LONRF3: variants seen among roughly 807,000 people sequenced by gnomAD.
LONRF3 encodes the protein LON peptidase N-terminal domain and RING finger protein 3.
LONRF3 carries 19 observed loss-of-function variants against 51.7 expected under a neutral mutation model. The observed-to-expected ratio is 0.37, with a 90% CI of 0.26 to 0.54. LONRF3 has a LOEUF of 0.54. Ranked by LOEUF, LONRF3 falls within the 20% of genes least tolerant of loss-of-function variation. LONRF3 has a pLI of 0.86. For synonymous variants in LONRF3, 265 were observed against 257.8 expected, an observed-to-expected ratio of 1.03 and a Z score of -0.27; for missense variants, 521 against 623.9, an observed-to-expected ratio of 0.84 and a Z score of 1.76.
Position 118,989,636 on chromosome X carries a change from G to A in LONRF3, c.1288G>A (p.Glu430Lys), listed in dbSNP as rs759695095. The part of the protein sequence containing the change: ...KRKHCQIESQ[E>K]ETGMPNKASK... Reference sequence around the variant, plus strand: ...GAAACATTGCCAGATTGAATCCCAAGAAGAAACGGGGATGCCTAATAAAGC... The same window carrying A: ...GAAACATTGCCAGATTGAATCCCAAAAAGAAACGGGGATGCCTAATAAAGC... The change falls in exon 4 of 11, where the codon GAA (glutamate) becomes AAA (lysine). Residue 430 changes from glutamate to lysine, a missense_variant. By Grantham distance (56) the Glu-to-Lys change is moderately conservative. Coordinates refer to ENST00000371628, the MANE Select transcript of LONRF3 (RefSeq NM_001031855.3). 1 of 1,210,800 alleles carries A rather than the reference G, an allele frequency of 8.3e-7. No individual in the cohort carries two copies. The highest frequency in any genetic ancestry group is 1.1e-6 in the Non-Finnish European group (1 of 895,083).
At chrX:119,012,995 A>G (rs1336629592) in intron 8 of LONRF3, 44 bp from the exon 9 acceptor site, 1 of 1,203,394 alleles carries the variant, frequency 8.3e-7, no homozygotes, top group Admixed American at 2.2e-5. Context: ...GGGAAACAGA[A>G]CTCATCAAGG....
At position 119,012,845 on chromosome X, in the gene LONRF3, C is replaced by T. The variant is rs1245439266; in HGVS notation, c.1812-194C>T. ...TGTGCTCAATAAATGGTAGCAGTTA[C>T]ACGAATACATTACGAATTTTTTTTC... is the stretch of plus-strand genomic sequence containing the variant. On this transcript the variant is annotated intron_variant, in intron 8 of 10. Transcript: ENST00000371628. 6 of 1,120,600 alleles carry T rather than the reference C, an allele frequency of 5.4e-6. No individual in the cohort carries two copies. The African/African-American group carries it at 7.2e-5, about 13-fold the overall frequency. 92.4% of individuals were successfully genotyped at this position (1,120,600 alleles called of 1,213,427 possible). A position where few individuals can be genotyped will look rare whatever the true frequency, so the allele number is the denominator to read the frequency against.
intron 5 of LONRF3, among the ~76,000 whole-genome samples, chrX:119,000,398 G>A (rs1283759929): frequency 4.5e-5 from 5 of 111,978 alleles, no homozygotes; most frequent in Admixed American, 1.9e-4. Flanking sequence ...AACAATAATC[G>A]GAGGTGTGTA....
chrX:118,977,995 T>C (rs987796648), intron 1 of LONRF3, among the ~76,000 whole-genome samples: 8 of 111,271 alleles, frequency 7.2e-5, no homozygotes, highest in Non-Finnish European at 1.1e-4. Context: ...CCTGTTTTCT[T>C]GTTGGTAATA....
At chrX:119,017,293 C>G (rs982232820) in intron 10 of LONRF3, among the ~76,000 whole-genome samples, 1 of 112,026 alleles carries the variant, frequency 8.9e-6, no homozygotes, top group Non-Finnish European at 1.9e-5. Flanking sequence ...CCCTTTACAT[C>G]TCATTAGCCA....
chrX:119,009,052 T>G, intron 6 of LONRF3, 74 bp from the exon 7 acceptor site: 1 of 941,444 alleles, frequency 1.1e-6, no homozygotes, highest in Non-Finnish European at 1.5e-6. Flanking sequence ...TGTTCACTGA[T>G]TACATCAGAA....
intron 10 of LONRF3, among the ~76,000 whole-genome samples, chrX:119,014,833 C>T: frequency 8.9e-6 from 1 of 111,886 alleles, no homozygotes; most frequent in African/African-American, 3.2e-5. Context: ...TATAAGATTA[C>T]AACTGCAAGA....
chrX:119,011,751 T>G (rs1925122902), intron 7 of LONRF3, 64 bp from the exon 8 acceptor site: 1 of 1,126,665 alleles, frequency 8.9e-7, no homozygotes, highest in Non-Finnish European at 1.2e-6. Flanking sequence ...TGCTAACATT[T>G]GACCAATATT....
rs961778433 is a variant in LONRF3 at position 119,009,477 on chromosome X, G to A, written c.1652+230G>A. ...CCAGCATACCACTGAAGAAGCATAA[G>A]CGAAACCAGTGATGAGGGTACGCCC... On this transcript the variant is annotated intron_variant, in intron 7 of 10. Coordinates refer to ENST00000371628, the MANE Select transcript of LONRF3 (RefSeq NM_001031855.3). Among the ~76,000 whole-genome samples the A allele has an allele frequency of 2.7e-5, 3 of 112,043 alleles. No homozygotes were observed. In the East Asian group the frequency reaches 8.4e-4, roughly 31 times the overall value.
chrX:118,978,998 C>CTT (rs36016675), intron 2 of LONRF3, among the ~76,000 whole-genome samples: 17 of 56,109 alleles, frequency 3.0e-4, no homozygotes, highest in African/African-American at 3.5e-4. Context: ...TGTTTTCTTT[C>CTT]TTTTTTTTTT....
chrX:119,004,437 AC>A (rs1385360591), intron 5 of LONRF3, among the ~76,000 whole-genome samples: 1 of 112,477 alleles, frequency 8.9e-6, no homozygotes, highest in African/African-American at 3.2e-5. Context: ...TTTGCTCCAC[AC>A]GTAACTGATA....
chrX:119,005,024 G>A (rs1399081041), intron 5 of LONRF3, among the ~76,000 whole-genome samples: 1 of 112,256 alleles, frequency 8.9e-6, no homozygotes, highest in Non-Finnish European at 1.9e-5. Flanking sequence ...AGTGGGTTCA[G>A]TTTCTTCTCA....
At chrX:118,996,921 CAAA>C (rs58609623) in intron 5 of LONRF3, among the ~76,000 whole-genome samples, 4 of 62,743 alleles carry the variant, frequency 6.4e-5, no homozygotes, top group East Asian at 6.7e-4. Context: ...GACTCCATCT[CAAA>C]AAAAAAAAAA....
intron 5 of LONRF3, among the ~76,000 whole-genome samples, chrX:118,998,331 A>G (rs756881007): frequency 8.9e-6 from 1 of 112,330 alleles, no homozygotes; most frequent in Non-Finnish European, 1.9e-5. Flanking sequence ...ATGAGATTGG[A>G]GACTATTTTA....
chrX:118,999,807 A>G (rs1924141850), intron 5 of LONRF3, among the ~76,000 whole-genome samples: 1 of 111,866 alleles, frequency 8.9e-6, no homozygotes, highest in Admixed American at 9.5e-5. Flanking sequence ...TGAGACTTCA[A>G]AACAAAACAA....
intron 5 of LONRF3, among the ~76,000 whole-genome samples, chrX:118,991,283 A>G (rs1437045228): frequency 8.9e-6 from 1 of 111,977 alleles, no homozygotes; most frequent in Non-Finnish European, 1.9e-5. Context: ...GTGTGTCACA[A>G]TTGCATTACA....
chrX:118,987,517 C>A lies in LONRF3; in HGVS notation c.1060-1891C>A, dbSNP rs958739759. The stretch of plus-strand genomic sequence containing the variant: ...CATTTTTGCCTAGGCTGGTCTCGAA[C>A]TCCTGGCCTCAAGTGATCCTCCCAC... On this transcript the variant is annotated intron_variant, in intron 3 of 10. Coordinates refer to ENST00000371628, the MANE Select transcript of LONRF3 (RefSeq NM_001031855.3). 3.3e-4 allele frequency among the ~76,000 whole-genome samples: 28 copies of A among 85,280 alleles called. 1 individual carries two copies. In the Admixed American group the frequency reaches 3.6e-3, roughly 11 times the overall value. 74.1% of individuals were successfully genotyped at this position (85,280 alleles called of 115,157 possible).
intron 6 of LONRF3, among the ~76,000 whole-genome samples, chrX:119,006,680 C>T (rs888254175): frequency 9.0e-6 from 1 of 110,961 alleles, no homozygotes; most frequent in Non-Finnish European, 1.9e-5. Flanking sequence ...CTCCGCCTCC[C>T]GGGTTCATGC....
chrX:119,017,735 C>T lies in LONRF3; in HGVS notation c.*45C>T, dbSNP rs201498505. Reference sequence around the variant, plus strand: ...GAGCTCCCACCTTCCCCACTGCCGTCGGGGGGAGTCTTCTTGTAAATATAT... The same window carrying T: ...GAGCTCCCACCTTCCCCACTGCCGTTGGGGGGAGTCTTCTTGTAAATATAT... On this transcript the variant is annotated 3_prime_UTR_variant, in exon 11 of 11. Coordinates refer to ENST00000371628, the MANE Select transcript of LONRF3 (RefSeq NM_001031855.3). 283 of 1,091,524 alleles carry T rather than the reference C, an allele frequency of 2.6e-4. No homozygotes were observed. Among genetic ancestry groups the T allele is most frequent in the Admixed American group, 7.6e-4 (27 of 35,603 alleles). 90.0% of individuals were successfully genotyped at this position (1,091,524 alleles called of 1,213,427 possible).
Sources: allele counts gnomAD v4.1 joint callset (sites outside exome capture counted in the v4.1 genomes callset), GRCh38; gene constraint gnomAD v4.1.1; transcripts MANE v1.5; gene names NCBI Gene and HGNC (gene_info 2026-07-23, HGNC 2026-07-21).